The following FAT3 variants were observed in gnomAD, a reference collection of about 807,000 sequenced individuals.
The protein encoded by FAT3 is protocadherin Fat 3.
Under a neutral mutation model 310.2 loss-of-function variants are expected in FAT3, and 95 were observed. The ratio of observed to expected loss-of-function variants is 0.31; its 90% confidence interval spans 0.26 to 0.36. The LOEUF (loss-of-function observed/expected upper bound fraction) is 0.36. Ranked by LOEUF, FAT3 falls within the 10% of genes least tolerant of loss-of-function variation. The probability of loss-of-function intolerance (pLI) is 1.00; values close to 1 mark genes in which losing one functional copy is unlikely to be tolerated. For missense variants in FAT3, 5,408 were observed against 5,715.6 expected (o/e 0.95, Z 1.74); for synonymous variants, 2,314 against 2,192.9 (o/e 1.06, Z -1.54).
intron 4 of FAT3, among the ~76,000 whole-genome samples, chr11:92,708,495 C>A (rs544455442): frequency 3.9e-5 from 6 of 152,244 alleles, no homozygotes; most frequent in Admixed American, 3.3e-4. Flanking sequence ...AATAATAATA[C>A]CTTTATAAGA....
intron 24 of FAT3, among the ~76,000 whole-genome samples, chr11:92,885,691 G>T (rs749918873): frequency 1.1e-4 from 17 of 152,136 alleles, no homozygotes; most frequent in Non-Finnish European, 1.9e-4. Context: ...AAAAAGGGGG[G>T]AGTTAATAAA....
intron 10 of FAT3, among the ~76,000 whole-genome samples, 180 bp from the exon 11 acceptor site, chr11:92,804,973 G>A (rs1329453047): frequency 6.6e-6 from 1 of 152,198 alleles, no homozygotes; most frequent in Non-Finnish European, 1.5e-5. Context: ...CAGAAGCCAA[G>A]CATATAAATA....
chr11:92,310,643 A>G (rs1029112025), intron 1 of FAT3, among the ~76,000 whole-genome samples: 14 of 150,546 alleles, frequency 9.3e-5, no homozygotes, highest in African/African-American at 3.5e-4. Context: ...ATGTGTGTAT[A>G]TACGTGTGTG....
In FAT3 at chr11:92,311,324, G is replaced by T. The variant is rs147246648; in HGVS notation, c.-17-40772G>T. Among the ~76,000 whole-genome samples, 4 of 152,222 alleles carry T rather than the reference G, an allele frequency of 2.6e-5. No individual in the cohort carries two copies. In the East Asian group the frequency reaches 7.7e-4, roughly 29 times the overall value. On this transcript the variant is annotated intron_variant, in intron 1 of 27. Transcript: ENST00000525166. ...GATTTACAAGGACCGTTTGGTAGTA[G>T]CATAGGATGTATTTTATTGGGGACG...
At chr11:92,464,626 A>G (rs1431087072) in intron 2 of FAT3, among the ~76,000 whole-genome samples, 2 of 152,212 alleles carry the variant, frequency 1.3e-5, no homozygotes, top group Admixed American at 6.5e-5. Flanking sequence ...GTTGCATGTG[A>G]TAATCGTACA....
intron 2 of FAT3, among the ~76,000 whole-genome samples, chr11:92,415,787 T>C (rs1431299473): frequency 2.0e-5 from 3 of 151,484 alleles, no homozygotes; most frequent in Admixed American, 6.6e-5. Context: ...CACCCCAAAG[T>C]TGATAAATGT....
intron 2 of FAT3, among the ~76,000 whole-genome samples, chr11:92,490,466 C>T (rs906138920): frequency 1.3e-5 from 2 of 152,046 alleles, no homozygotes; most frequent in Non-Finnish European, 2.9e-5. Flanking sequence ...CAGATAACTT[C>T]CTGAGAAGTG....
chr11:92,683,350 C>A (rs1297948250), intron 3 of FAT3, among the ~76,000 whole-genome samples: 1 of 152,168 alleles, frequency 6.6e-6, no homozygotes, highest in Non-Finnish European at 1.5e-5. Flanking sequence ...AAACAAAATT[C>A]TAGGGTTTCC....
At chr11:92,412,764 T>TATATATATATACACATATAG (rs1950324469) in intron 2 of FAT3, among the ~76,000 whole-genome samples, 1 of 128,202 alleles carries the variant, frequency 7.8e-6, no homozygotes, top group African/African-American at 2.8e-5. Context: ...TACATATATA[T>TATATATATATACACATATAG]ATATTTAATG....
chr11:92,497,140 G>A (rs148489309), intron 2 of FAT3, among the ~76,000 whole-genome samples: 313 of 152,080 alleles, frequency 2.1e-3, no homozygotes, highest in Non-Finnish European at 3.2e-3. Flanking sequence ...TTCCATAGAC[G>A]CCTGGGCTTC....
intron 21 of FAT3, among the ~76,000 whole-genome samples, chr11:92,862,922 T>C (rs962314106): frequency 2.0e-5 from 3 of 152,186 alleles, no homozygotes; most frequent in African/African-American, 4.8e-5. Flanking sequence ...AATATCACTT[T>C]GGTTCTAGGC....
At chr11:92,579,732 A>T in intron 3 of FAT3, among the ~76,000 whole-genome samples, 1 of 152,122 alleles carries the variant, frequency 6.6e-6, no homozygotes, top group South Asian at 2.1e-4. Context: ...TGGCTGCCTT[A>T]GCATTGACAT....
intron 4 of FAT3, among the ~76,000 whole-genome samples, chr11:92,732,613 C>T (rs1277692538): frequency 1.3e-5 from 2 of 152,142 alleles, no homozygotes; most frequent in Admixed American, 6.5e-5. Flanking sequence ...CTGGTTTCTC[C>T]ATTGTTTCTG....
chr11:92,845,163 T>A (rs1467226293), intron 19 of FAT3, among the ~76,000 whole-genome samples: 1 of 152,196 alleles, frequency 6.6e-6, no homozygotes, highest in African/African-American at 2.4e-5. Context: ...AGCTTTCCTC[T>A]GGCTGCAATA....
At chr11:92,834,036 A>G (rs1443482098) in intron 14 of FAT3, among the ~76,000 whole-genome samples, 2 of 152,242 alleles carry the variant, frequency 1.3e-5, no homozygotes, top group African/African-American at 2.4e-5. Flanking sequence ...CCTTCTCACC[A>G]GTCCTCATGA....
intron 2 of FAT3, among the ~76,000 whole-genome samples, chr11:92,397,000 C>G (rs1432990837): frequency 6.6e-6 from 1 of 152,134 alleles, no homozygotes; most frequent in Non-Finnish European, 1.5e-5. Flanking sequence ...AGCCACCACG[C>G]CTTGGCCCTC....
At position 92,372,361 on chromosome 11, in the gene FAT3, C is replaced by T. The variant is rs1949210937; in HGVS notation, c.3292+16957C>T. 2.0e-5 allele frequency among the ~76,000 whole-genome samples: 3 copies of T among 150,272 alleles called. No homozygotes were observed. The South Asian group carries it at 6.4e-4, about 32-fold the overall frequency. Reference sequence around the variant, plus strand: ...TTTAGGTGTCTGTGGTACAGGTTGGCCTGAGCAGATCTCGGTGTTGCACAA... The same window carrying T: ...TTTAGGTGTCTGTGGTACAGGTTGGTCTGAGCAGATCTCGGTGTTGCACAA... On this transcript the variant is annotated intron_variant, in intron 2 of 27. Transcript: ENST00000525166.
chr11:92,380,774 A>C (rs2134760413), intron 2 of FAT3, among the ~76,000 whole-genome samples: 1 of 152,308 alleles, frequency 6.6e-6, no homozygotes, highest in South Asian at 2.1e-4. Flanking sequence ...TTTCACCCTT[A>C]TACCCTCAGT....
At chr11:92,817,453 C>T (rs149842618) in intron 13 of FAT3, among the ~76,000 whole-genome samples, 15 of 152,272 alleles carry the variant, frequency 9.9e-5, no homozygotes, top group African/African-American at 3.6e-4. Context: ...TAGAGCTTCC[C>T]TGTTTTGCCC....
Sources: gnomAD v4.1 joint callset for allele counts (sites outside exome capture counted in the v4.1 genomes callset) on GRCh38, gnomAD v4.1.1 for gene constraint, MANE v1.5 for transcripts, NCBI Gene and HGNC (gene_info 2026-07-23, HGNC 2026-07-21) for gene names.